NRG2: variants seen among roughly 807,000 people sequenced by gnomAD.
NRG2 encodes the protein pro-neuregulin-2, membrane-bound isoform.
In NRG2, 27 loss-of-function variants were observed where a neutral mutation model predicts 73.9. The ratio of observed to expected loss-of-function variants is 0.37; its 90% CI spans 0.27 to 0.50. The LOEUF (loss-of-function observed/expected upper bound fraction) is 0.50. Among genes scored for constraint, NRG2 ranks in the 20% least tolerant of loss-of-function variants. NRG2 has a pLI of 0.96. For synonymous variants in NRG2, 532 were observed against 541.0 expected (o/e 0.98, Z 0.23); for missense variants, 1,126 against 1,210.1 (o/e 0.93, Z 1.03).
chr5:139,909,294 C>T (rs1407783985), intron 1 of NRG2, among the ~76,000 whole-genome samples: 6 of 152,156 alleles, frequency 3.9e-5, no homozygotes, highest in Admixed American at 6.5e-5. Flanking sequence ...GCAAAAATGC[C>T]TTTCAGTGAA....
chr5:140,012,962 C>A (rs1759481279), intron 1 of NRG2, among the ~76,000 whole-genome samples: 1 of 152,146 alleles, frequency 6.6e-6, no homozygotes, highest in Non-Finnish European at 1.5e-5. Flanking sequence ...CAAAGATGAG[C>A]CCTTAATGTG....
At chr5:140,024,348 G>A (rs1280845554) in intron 1 of NRG2, among the ~76,000 whole-genome samples, 1 of 151,362 alleles carries the variant, frequency 6.6e-6, no homozygotes, top group African/African-American at 2.4e-5. Flanking sequence ...TCCGCCTCCC[G>A]GGTTCACGTC....
intron 3 of NRG2, among the ~76,000 whole-genome samples, chr5:139,878,846 G>A (rs1214069128): frequency 6.6e-6 from 1 of 152,198 alleles, no homozygotes; most frequent in African/African-American, 2.4e-5. Flanking sequence ...CTGCTGTCAT[G>A]CCCAGGCTGG....
chr5:140,007,571 C>G (rs1432984205), intron 1 of NRG2, among the ~76,000 whole-genome samples: 2 of 152,088 alleles, frequency 1.3e-5, no homozygotes, highest in African/African-American at 2.4e-5. Flanking sequence ...CCTGTCTGTA[C>G]ATTCTCCTTC....
intron 1 of NRG2, among the ~76,000 whole-genome samples, chr5:139,964,685 A>G (rs1283360396): frequency 6.6e-6 from 1 of 152,160 alleles, no homozygotes; most frequent in Admixed American, 6.5e-5. Context: ...TCCGTCAGAG[A>G]GGTTCTCAAA....
chr5:139,852,316 C>T lies in NRG2; in HGVS notation c.1544+116G>A, dbSNP rs1052066369. 3.0e-6 allele frequency: 4 copies of T among 1,325,226 alleles called. No individual in the cohort carries two copies. Among genetic ancestry groups the T allele is most frequent in the African/African-American group, 1.5e-5 (1 of 68,136 alleles). 82.1% of individuals were successfully genotyped at this position (1,325,226 alleles called of 1,614,324 possible). On this transcript the variant is annotated intron_variant, in intron 8 of 9. Transcript: ENST00000361474. This position sits in a 1 kb window ranked among gnomAD's most constrained non-coding sequence, Gnocchi z 4.4. ...AGGAGGCTAAGGTGTGCTGTGATTC[C>T]TGTGGCAAGCTCAGGGGAGGGTATT...
At chr5:139,917,906 C>T (rs1000220337) in intron 1 of NRG2, among the ~76,000 whole-genome samples, 6 of 152,098 alleles carry the variant, frequency 3.9e-5, no homozygotes, top group African/African-American at 1.4e-4. Flanking sequence ...ATTAACTCTA[C>T]TTTAACTATT....
At position 140,005,469 on chromosome 5, in the gene NRG2, A is replaced by G. The variant is rs370204048; in HGVS notation, c.700+36901T>C. ...TCACAGCACTATGCTTCTGTCTGAC[A>G]GTGTCTGCCTCCACAAGAAGGAAGC... On this transcript the variant is annotated intron_variant, in intron 1 of 9. Coordinates refer to ENST00000361474, the MANE Select transcript of NRG2 (RefSeq NM_004883.3). 1.6e-4 allele frequency among the ~76,000 whole-genome samples: 25 copies of G among 152,358 alleles called. 2 individuals are homozygous for G. The highest frequency in any genetic ancestry group is 6.0e-4 in the African/African-American group (25 of 41,584).
At chr5:140,010,113 C>T (rs923196986) in intron 1 of NRG2, among the ~76,000 whole-genome samples, 14 of 152,060 alleles carry the variant, frequency 9.2e-5, no homozygotes, top group African/African-American at 2.7e-4. Flanking sequence ...GTCTGGCCAA[C>T]GTGGTGAAAC....
chr5:139,913,195 G>T (rs929370260), intron 1 of NRG2, among the ~76,000 whole-genome samples: 2 of 152,198 alleles, frequency 1.3e-5, no homozygotes, highest in Non-Finnish European at 2.9e-5. Context: ...GCAGGCAACA[G>T]CATTTAATCA....
intron 1 of NRG2, among the ~76,000 whole-genome samples, chr5:139,889,272 T>C (rs1464735835): frequency 1.3e-5 from 2 of 152,344 alleles, no homozygotes; most frequent in East Asian, 3.9e-4. Flanking sequence ...CTATGACTTA[T>C]ATGTGTATTT....
At chr5:139,871,912 A>G (rs1473660310) in intron 3 of NRG2, 71 bp from the exon 4 acceptor site, 3 of 1,563,408 alleles carry the variant, frequency 1.9e-6, no homozygotes, top group African/African-American at 1.4e-5. Flanking sequence ...CATCTCCTTC[A>G]TGCCCCACGT....
At position 140,042,489 on chromosome 5, in the gene NRG2, T is replaced by C; in HGVS notation, c.581A>G (p.Tyr194Cys). The stretch of plus-strand genomic sequence containing the variant: ...TTCCGTGGGCTCCAGGAAAAAGATG[T>C]AGCGCTGGTTCCTTTCGAGCGGCAC... ...SCVPLERNQR[Y>C]IFFLEPTEQP... Residue 194 changes from tyrosine to cysteine, a missense_variant, in exon 1 of 10, where the codon TAC becomes TGC. Physicochemically the swap from Tyr to Cys is radical, Grantham distance 194 (BLOSUM62 -2). Transcript: ENST00000361474. The C allele has an allele frequency of 6.2e-7, 1 of 1,613,826 alleles. No homozygotes were observed. The highest frequency in any genetic ancestry group is 8.5e-7 in the Non-Finnish European group (1 of 1,179,922).
At chr5:140,014,781 C>G (rs1434389954) in intron 1 of NRG2, among the ~76,000 whole-genome samples, 1 of 152,182 alleles carries the variant, frequency 6.6e-6, no homozygotes, top group Non-Finnish European at 1.5e-5. Context: ...TTTGTGATCC[C>G]TTTCAAATAA....
chr5:139,918,655 C>T (rs565972074), intron 1 of NRG2, among the ~76,000 whole-genome samples: 3 of 152,218 alleles, frequency 2.0e-5, no homozygotes, highest in East Asian at 1.9e-4. Flanking sequence ...GGGAAAGAGC[C>T]GCGTGAGCTA....
In NRG2 at chr5:139,848,543, C is replaced by T; in HGVS notation, c.1927G>A (p.Glu643Lys). ...PAAPISYRLA[E>K]QQPLLRHPAP... ...GGGTGCCGCAGTAACGGCTGCTGCT[C>T]GGCCAGGCGGTAACTGATGGGCGCC... Residue 643 changes from glutamate (E) to lysine (K), a missense_variant, in exon 10 of 10, where the codon GAG becomes AAG. Physicochemically the swap from Glu to Lys is moderately conservative, Grantham distance 56. Around this residue, in one of 3 missense-constraint regions of NRG2, gnomAD observed 402 missense variants for 357.8 expected, o/e 1.12. Transcript: ENST00000361474. 2.0e-6 allele frequency: 3 copies of T among 1,492,950 alleles called. No homozygotes were observed. Among genetic ancestry groups the T allele is most frequent in the East Asian group, 2.9e-5 (1 of 34,828 alleles). 92.5% of individuals were successfully genotyped at this position (1,492,950 alleles called of 1,614,324 possible). A position where few individuals can be genotyped will look rare whatever the true frequency, so the allele number is the denominator to read the frequency against.
In NRG2 at chr5:140,033,243, G is replaced by A. The variant is rs554828151; in HGVS notation, c.700+9127C>T. Among the ~76,000 whole-genome samples the A allele has an allele frequency of 2.6e-5, 4 of 152,246 alleles. No homozygotes were observed. In the East Asian group the frequency reaches 7.7e-4, roughly 29 times the overall value. On this transcript the variant is annotated intron_variant, in intron 1 of 9. Transcript: ENST00000361474. ...CCCAAATCAAAGCAGGATGAGTCAAGGACCCTATCTGAAAATAAGGAAGCT... is the reference window on the plus strand; with the variant it reads ...CCCAAATCAAAGCAGGATGAGTCAAAGACCCTATCTGAAAATAAGGAAGCT...
chr5:139,934,713 G>A (rs997505873), intron 1 of NRG2, among the ~76,000 whole-genome samples: 2 of 152,170 alleles, frequency 1.3e-5, no homozygotes, highest in African/African-American at 2.4e-5. Context: ...ACCAAACAAT[G>A]TAGGTTAAAG....
At chr5:140,013,773 G>A (rs937960620) in intron 1 of NRG2, among the ~76,000 whole-genome samples, 2 of 152,128 alleles carry the variant, frequency 1.3e-5, no homozygotes, top group African/African-American at 4.8e-5. Flanking sequence ...CATTGATAAT[G>A]AGGTTAGTAC....
Sources: allele counts gnomAD v4.1 joint callset (sites outside exome capture counted in the v4.1 genomes callset), GRCh38; gene constraint gnomAD v4.1.1; regional missense constraint gnomAD v4.1.1; non-coding constraint Gnocchi (gnomAD v3.1); transcripts MANE v1.5; gene names NCBI Gene and HGNC (gene_info 2026-07-23, HGNC 2026-07-21).